EXOC6B: variants seen among roughly 807,000 people sequenced by gnomAD.
EXOC6B encodes the protein exocyst complex component 6B, also known as SEC15 homolog B.
Under a neutral mutation model 113.5 loss-of-function variants are expected in EXOC6B, and 54 were observed. The observed-to-expected ratio is 0.48, with a 90% CI of 0.38 to 0.60. EXOC6B has a LOEUF of 0.60. Ranked by LOEUF, EXOC6B falls within the 20% of genes least tolerant of loss-of-function variation. EXOC6B has a pLI of 0.00. For synonymous variants in EXOC6B, 357 were observed against 339.0 expected (o/e 1.05, Z -0.58); for missense variants, 797 against 977.5 (o/e 0.82, Z 2.46).
intron 20 of EXOC6B, among the ~76,000 whole-genome samples, chr2:72,267,128 G>A (rs1684156311): frequency 6.6e-6 from 1 of 152,160 alleles, no homozygotes. Context: ...CTTTGCTGAA[G>A]TTGCTTATCA....
intron 1 of EXOC6B, among the ~76,000 whole-genome samples, chr2:72,783,428 G>T (rs1684185877): frequency 6.9e-6 from 1 of 143,922 alleles, no homozygotes; most frequent in East Asian, 2.2e-4. Flanking sequence ...GAGTTCAAGT[G>T]ATCCTCCTGC....
intron 11 of EXOC6B, among the ~76,000 whole-genome samples, chr2:72,506,725 A>G (rs1276287686): frequency 6.6e-6 from 1 of 152,162 alleles, no homozygotes; most frequent in East Asian, 1.9e-4. Flanking sequence ...TGTATTTGCT[A>G]AAGAACGGCC....
Position 72,214,360 on chromosome 2 carries a change from G to A in EXOC6B, c.2197-30173C>T, listed in dbSNP as rs1045206990. Among the ~76,000 whole-genome samples the A allele has an allele frequency of 3.3e-5, 5 of 151,932 alleles. No individual in the cohort carries two copies. The South Asian group carries it at 8.4e-4, about 25-fold the overall frequency. On this transcript the variant is annotated intron_variant, in intron 20 of 21. Transcript: ENST00000272427. ...AACAAAATTAGCCGGGCGTGGTGGC[G>A]GGCACCTGTAGTCCCAGCTACTCGG...
chr2:72,550,970 G>C (rs1703188139), intron 8 of EXOC6B, among the ~76,000 whole-genome samples: 1 of 146,896 alleles, frequency 6.8e-6, no homozygotes, highest in Non-Finnish European at 1.5e-5. Context: ...CCAGGCTGAA[G>C]TGCAATGGCG....
intron 6 of EXOC6B, among the ~76,000 whole-genome samples, chr2:72,586,737 C>G (rs1441927823): frequency 6.6e-6 from 1 of 150,992 alleles, no homozygotes; most frequent in Non-Finnish European, 1.5e-5. Context: ...GGCGGCAGAG[C>G]AAGACTCCGT....
intron 1 of EXOC6B, among the ~76,000 whole-genome samples, chr2:72,790,922 G>T (rs1684637125): frequency 6.6e-6 from 1 of 152,104 alleles, no homozygotes; most frequent in Non-Finnish European, 1.5e-5. Context: ...GTAGAACTAT[G>T]GTTACTAGAG....
At chr2:72,580,087 CA>C (rs201549710) in intron 6 of EXOC6B, among the ~76,000 whole-genome samples, 2 of 138,064 alleles carry the variant, frequency 1.4e-5, no homozygotes, top group East Asian at 4.1e-4. Flanking sequence ...CAACGAAAAA[CA>C]AAAAAAAGCA....
intron 6 of EXOC6B, among the ~76,000 whole-genome samples, chr2:72,605,887 A>G (rs1670724373): frequency 6.6e-6 from 1 of 152,212 alleles, no homozygotes; most frequent in Admixed American, 6.5e-5. Flanking sequence ...TCAATCTAGT[A>G]TCATAAAGAT....
chr2:72,246,331 G>A (rs915960546), intron 20 of EXOC6B, among the ~76,000 whole-genome samples: 11 of 152,010 alleles, frequency 7.2e-5, no homozygotes, highest in Non-Finnish European at 1.2e-4. Flanking sequence ...CCAACTTACT[G>A]TCATATTAGA....
intron 1 of EXOC6B, among the ~76,000 whole-genome samples, chr2:72,806,652 G>A (rs1685592734): frequency 6.6e-6 from 1 of 152,242 alleles, no homozygotes; most frequent in Admixed American, 6.5e-5. Flanking sequence ...CCCACCAGCA[G>A]TGTATAAGCA....
chr2:72,464,035 T>A (rs919751293), intron 18 of EXOC6B: 4 of 152,204 alleles, frequency 2.6e-5, no homozygotes, highest in African/African-American at 9.6e-5. Context: ...TGCGAGGCTC[T>A]ACCATCATAA....
intron 6 of EXOC6B, among the ~76,000 whole-genome samples, chr2:72,713,636 T>C (rs1679413118): frequency 6.8e-6 from 1 of 146,226 alleles, no homozygotes; most frequent in Non-Finnish European, 1.5e-5. Flanking sequence ...CCTGTGTCCA[T>C]GTGAAGAACA....
At chr2:72,181,501 G>T (rs144112223) in intron 21 of EXOC6B, among the ~76,000 whole-genome samples, 1 of 152,116 alleles carries the variant, frequency 6.6e-6, no homozygotes, top group Non-Finnish European at 1.5e-5. Flanking sequence ...CCTTTCCTCC[G>T]CTGAGTATAC....
chr2:72,410,754 T>C (rs1377841857), intron 18 of EXOC6B, among the ~76,000 whole-genome samples: 1 of 152,190 alleles, frequency 6.6e-6, no homozygotes, highest in Admixed American at 6.5e-5. Context: ...ATAAATTTGT[T>C]TTTGATTTAT....
chr2:72,231,066 G>A (rs1681590230), intron 20 of EXOC6B, among the ~76,000 whole-genome samples: 1 of 152,114 alleles, frequency 6.6e-6, no homozygotes, highest in Non-Finnish European at 1.5e-5. Flanking sequence ...TGACTTAAGA[G>A]TACCCATGAA....
At chr2:72,695,365 G>C (rs1028500560) in intron 6 of EXOC6B, among the ~76,000 whole-genome samples, 1 of 152,180 alleles carries the variant, frequency 6.6e-6, no homozygotes, top group Non-Finnish European at 1.5e-5. Context: ...AACTGCAACT[G>C]TGAACTGGGC....
chr2:72,565,160 G>C (rs369468711), intron 7 of EXOC6B, among the ~76,000 whole-genome samples: 5 of 152,030 alleles, frequency 3.3e-5, no homozygotes, highest in African/African-American at 7.2e-5. Context: ...AGACCAGCCT[G>C]TGCAACATGA....
At chr2:72,477,940 A>G (rs1217909357) in intron 17 of EXOC6B, among the ~76,000 whole-genome samples, 1 of 151,958 alleles carries the variant, frequency 6.6e-6, no homozygotes, top group Admixed American at 6.6e-5. Flanking sequence ...TTTATCATCC[A>G]CTAATTCATT....
intron 5 of EXOC6B, among the ~76,000 whole-genome samples, chr2:72,730,658 T>C (rs1680583575): frequency 6.6e-6 from 1 of 151,594 alleles, no homozygotes; most frequent in Non-Finnish European, 1.5e-5. Flanking sequence ...CCCCAGTTAA[T>C]GTACTCTTGC....
Sources: allele counts gnomAD v4.1 joint callset (sites outside exome capture counted in the v4.1 genomes callset), GRCh38; gene constraint gnomAD v4.1.1; transcripts MANE v1.5; gene names NCBI Gene and HGNC (gene_info 2026-07-23, HGNC 2026-07-21).